The following COL18A1 variants were observed in gnomAD, a reference collection of about 807,000 sequenced individuals.
COL18A1 encodes collagen type XVIII alpha 1 chain.
Under a neutral mutation model 168.0 loss-of-function variants are expected in COL18A1, and 133 were observed. The observed-to-expected ratio is 0.79, with a 90% CI of 0.69 to 0.91. The LOEUF (loss-of-function observed/expected upper bound fraction) is 0.91, where lower values mean the gene tolerates loss of function less well. COL18A1 is among the 40% of genes least tolerant of loss of function. The probability of loss-of-function intolerance (pLI) is 0.00; values close to 1 mark genes in which losing one functional copy is unlikely to be tolerated. For missense variants in COL18A1, 2,126 were observed against 1,925.4 expected (o/e 1.10, Z -1.95); for synonymous variants, 949 against 809.0 (o/e 1.17, Z -2.94).
At chr21:45,453,079 T>C (rs2034681707) in intron 2 of COL18A1, among the ~76,000 whole-genome samples, 2 of 152,226 alleles carry the variant, frequency 1.3e-5, no homozygotes, top group Non-Finnish European at 2.9e-5. Context: ...TGTGTATGCA[T>C]GTGAGCATTC....
chr21:45,467,327 C>T lies in COL18A1; in HGVS notation c.107-915C>T, dbSNP rs572418885. On this transcript the variant is annotated intron_variant, in intron 2 of 41. Coordinates refer to ENST00000651438, the MANE Select transcript of COL18A1 (RefSeq NM_001379500.1). ...ACTGAGTCGAAGTGAAGTCAAGCTC[C>T]GCCTGGGCAGGAATGAGTGGAGTGA... 7 of 985,436 alleles carry T rather than the reference C, an allele frequency of 7.1e-6. No individual in the cohort carries two copies. In the South Asian group the frequency reaches 1.4e-4, roughly 20 times the overall value. 61.0% of individuals were successfully genotyped at this position (985,436 alleles called of 1,614,324 possible).
chr21:45,488,525 C>T (rs1001605296), intron 18 of COL18A1, 81 bp downstream of exon 18: 24 of 1,604,550 alleles, frequency 1.5e-5, no homozygotes, highest in Non-Finnish European at 2.0e-5. Flanking sequence ...GAGACAGGGC[C>T]TTGCCTCGGG....
intron 4 of COL18A1, 52 bp from the exon 5 acceptor site, chr21:45,475,424 G>T: frequency 2.0e-6 from 3 of 1,514,982 alleles, no homozygotes; most frequent in Non-Finnish European, 2.7e-6. Context: ...GCCGGGCTCG[G>T]GGCCTGGCCT....
intron 20 of COL18A1, 59 bp from the exon 21 acceptor site, chr21:45,490,777 G>A (rs530497681): frequency 1.9e-5 from 29 of 1,519,386 alleles, no homozygotes; most frequent in East Asian, 1.7e-4. Context: ...CATCCCTCAC[G>A]GGGGGCCAGG....
At position 45,413,768 on chromosome 21, in the gene COL18A1, C is replaced by T. The variant is rs527762859; in HGVS notation, c.106+8295C>T. Among the ~76,000 whole-genome samples, 3 of 73,510 alleles carry T rather than the reference C, an allele frequency of 4.1e-5. No individual in the cohort carries two copies. The East Asian group carries it at 2.2e-3, about 54-fold the overall frequency. The allele number at this position is 73,510 out of a possible 152,430, so 48.2% of individuals were successfully genotyped here. ...CAAAGGCCCCGCCAGCCATGCCCAG[C>T]ACTTGTGCCTGGGCCTTTGCAGAGG... On this transcript the variant is annotated intron_variant, in intron 2 of 41. Transcript: ENST00000651438.
At chr21:45,456,916 T>C in intron 2 of COL18A1, 1 of 1,388,196 alleles carries the variant, frequency 7.2e-7, no homozygotes, top group Non-Finnish European at 9.4e-7. Flanking sequence ...CACCCTTTCC[T>C]TTTTGCCTTG....
chr21:45,445,060 C>A (rs2034475347), intron 2 of COL18A1, among the ~76,000 whole-genome samples: 1 of 152,166 alleles, frequency 6.6e-6, no homozygotes, highest in African/African-American at 2.4e-5. Flanking sequence ...AAATCTATGC[C>A]ACCATCATCC....
intron 2 of COL18A1, among the ~76,000 whole-genome samples, chr21:45,434,065 G>A (rs1403313151): frequency 1.3e-5 from 2 of 152,138 alleles, no homozygotes; most frequent in South Asian, 2.1e-4. Flanking sequence ...GGCCAGGTGT[G>A]TGAGCAGGTG....
intron 5 of COL18A1, 88 bp from the exon 6 acceptor site, chr21:45,476,263 T>C (rs1455685710): frequency 1.9e-6 from 3 of 1,579,542 alleles, no homozygotes; most frequent in South Asian, 1.1e-5. Context: ...TTTCTTGCGA[T>C]CTTAAGTATT....
intron 2 of COL18A1, chr21:45,467,147 C>T (rs2035241380): frequency 3.8e-6 from 3 of 788,274 alleles, no homozygotes; most frequent in Non-Finnish European, 4.6e-6. Context: ...GGCAGGTGTG[C>T]TGGGAAGTCA....
chr21:45,473,771 C>T lies in COL18A1; in HGVS notation c.652-124C>T. 3.7e-6 allele frequency: 3 copies of T among 814,050 alleles called. No individual in the cohort carries two copies. Among genetic ancestry groups the T allele is most frequent in the South Asian group, 1.4e-5 (1 of 69,092 alleles). 50.4% of individuals were successfully genotyped at this position (814,050 alleles called of 1,614,324 possible). On this transcript the variant is annotated intron_variant, in intron 3 of 41. Transcript: ENST00000651438. This position sits in a 1 kb window ranked among gnomAD's most constrained non-coding sequence, Gnocchi z 4.0. ...GCACCCCCAGGGAGGCTGCCCGAGA[C>T]CCCTTCCCTCTCCGAGACTCTCCTG...
chr21:45,509,256 A>G (rs2037427994), intron 38 of COL18A1, 100 bp from the exon 39 acceptor site: 2 of 1,483,640 alleles, frequency 1.3e-6, no homozygotes, highest in East Asian at 2.5e-5. Flanking sequence ...TTGCCAGTTC[A>G]GAGCCCAGCC....
At chr21:45,420,615 T>C (rs952805545) in intron 2 of COL18A1, 3 of 152,272 alleles carry the variant, frequency 2.0e-5, no homozygotes, top group African/African-American at 7.2e-5. Flanking sequence ...TCACGTTGTC[T>C]AGACATTAAT....
At position 45,512,599 on chromosome 21, in the gene COL18A1, T is replaced by C. The variant is rs905539295; in HGVS notation, c.*201T>C. The C allele has an allele frequency of 2.2e-5, 14 of 623,702 alleles. No homozygotes were observed. Among genetic ancestry groups the C allele is most frequent in the African/African-American group, 2.2e-4 (12 of 54,230 alleles). The allele number at this position is 623,702 out of a possible 1,614,324, so 38.6% of individuals were successfully genotyped here. A position where few individuals can be genotyped will look rare whatever the true frequency, so the allele number is the denominator to read the frequency against. ...TTAAAAGTTTAAAACAGAAGCCTGA[T>C]GCTGACATTCACCTGCCCCAACTCT... On this transcript the variant is annotated 3_prime_UTR_variant, in exon 42 of 42. Coordinates refer to ENST00000651438, the MANE Select transcript of COL18A1 (RefSeq NM_001379500.1).
intron 15 of COL18A1, among the ~76,000 whole-genome samples, chr21:45,483,309 T>C (rs1309011200): frequency 6.6e-6 from 1 of 152,182 alleles, no homozygotes; most frequent in Non-Finnish European, 1.5e-5. Flanking sequence ...GAAGGAGCGC[T>C]GAAGGCAGCC....
intron 2 of COL18A1, among the ~76,000 whole-genome samples, chr21:45,419,517 G>C (rs2033556169): frequency 1.3e-5 from 2 of 152,190 alleles, no homozygotes; most frequent in African/African-American, 4.8e-5. Flanking sequence ...TCGGGCCCTG[G>C]GGTGGGAGCT....
At chr21:45,440,936 C>T (rs1156976937) in intron 2 of COL18A1, among the ~76,000 whole-genome samples, 2 of 152,202 alleles carry the variant, frequency 1.3e-5, no homozygotes, top group Non-Finnish European at 2.9e-5. Context: ...ACTTCTAGGA[C>T]GTTATCGTGC....
Position 45,491,391 on chromosome 21 carries a change from C to T in COL18A1, c.2157+77C>T, listed in dbSNP as rs1023395510. On this transcript the variant is annotated intron_variant, in intron 22 of 41. Transcript: ENST00000651438. ...TGCAGAGATCCCTCCCCGAGCCCCC[C>T]CCACACCCCCACATCCCCCAGGTCA... 1.6e-5 allele frequency: 12 copies of T among 727,492 alleles called. No homozygotes were observed. In the East Asian group the frequency reaches 3.2e-4, roughly 20 times the overall value. The allele number at this position is 727,492 out of a possible 1,614,324, so 45.1% of individuals were successfully genotyped here.
chr21:45,476,348 C>T lies in COL18A1; in HGVS notation c.799-3C>T. The T allele has an allele frequency of 6.2e-7, 1 of 1,613,994 alleles. No homozygotes were observed. Among genetic ancestry groups the T allele is most frequent in the Non-Finnish European group, 8.5e-7 (1 of 1,179,944 alleles). ...ACAGGCCACCTCCCCTCTCGTCCTC[C>T]AGGGCGCGGCCCTAAAACCCAGGCT... On this transcript the variant is annotated splice_polypyrimidine_tract_variant and splice_region_variant and intron_variant, in intron 5 of 41. Coordinates refer to ENST00000651438, the MANE Select transcript of COL18A1 (RefSeq NM_001379500.1).
Sources: allele counts gnomAD v4.1 joint callset (sites outside exome capture counted in the v4.1 genomes callset), GRCh38; gene constraint gnomAD v4.1.1; non-coding constraint Gnocchi (gnomAD v3.1); transcripts MANE v1.5; gene names NCBI Gene and HGNC (gene_info 2026-07-23, HGNC 2026-07-21).